The following ALKBH3 variants were observed in gnomAD, a reference collection of about 807,000 sequenced individuals.
The protein encoded by ALKBH3 is alpha-ketoglutarate-dependent dioxygenase alkB homolog 3.
Under a neutral mutation model 43.9 loss-of-function variants are expected in ALKBH3, and 51 were observed. The observed-to-expected ratio is 1.16, with a 90% CI of 0.93 to 1.47. ALKBH3 has a LOEUF of 1.47. ALKBH3 is among the 40% of genes most tolerant of loss of function. The probability of loss-of-function intolerance (pLI) is 0.00; values close to 1 mark genes in which losing one functional copy is unlikely to be tolerated. For missense variants in ALKBH3, 361 were observed against 351.9 expected (o/e 1.03, Z -0.21); for synonymous variants, 102 against 115.2 (o/e 0.89, Z 0.73).
chr11:43,909,702 C>A (rs1364932419), intron 8 of ALKBH3: 2 of 152,204 alleles, frequency 1.3e-5, no homozygotes, highest in African/African-American at 4.8e-5. Context: ...CCATCCTTAT[C>A]AAGCACCTCC....
intron 9 of ALKBH3, 120 bp downstream of exon 9, chr11:43,919,256 T>C (rs778153368): frequency 3.7e-6 from 3 of 816,062 alleles, no homozygotes; most frequent in Non-Finnish European, 6.1e-6. Flanking sequence ...CAAGAGGGAA[T>C]GAGCTGACAT....
intron 8 of ALKBH3, 39 bp from the exon 9 acceptor site, chr11:43,918,999 A>G (rs370293256): frequency 1.3e-6 from 2 of 1,526,842 alleles, no homozygotes. Flanking sequence ...TCTTGATTAC[A>G]CAGGCAAAAC....
At chr11:43,901,926 T>C (rs982949360) in intron 8 of ALKBH3, among the ~76,000 whole-genome samples, 1 of 152,252 alleles carries the variant, frequency 6.6e-6, no homozygotes, top group African/African-American at 2.4e-5. Flanking sequence ...CCAACAAGAA[T>C]TGGCTGCCTT....
Position 43,892,059 on chromosome 11 carries a change from C to G in ALKBH3, c.389C>G (p.Pro130Arg). The G allele has an allele frequency of 2.5e-6, 4 of 1,613,322 alleles. No individual in the cohort carries two copies. Among genetic ancestry groups the G allele is most frequent in the Non-Finnish European group, 3.4e-6 (4 of 1,179,308 alleles). Residue 130 changes from proline to arginine, a missense_variant, in exon 7 of 10, where the codon CCA (proline) becomes CGA (arginine). Transcript: ENST00000302708. ...TTCTTAGATATAACTTATCAGCAAC[C>G]AAGACTTACAGCATGGTATGGAGAA... ...GIREDITYQQ[P>R]RLTAWYGELP...
rs1475869999 is a variant in ALKBH3, at chr11:43,886,034, C to T, written c.219-572C>T. On this transcript the variant is annotated intron_variant, in intron 4 of 9. Transcript: ENST00000302708. ...GCATGGAAAAGCATGGAGTTAGAAA[C>T]GTAGTGGTGTATTCAGGAGATTCCA... Among the ~76,000 whole-genome samples, 7 of 152,212 alleles carry T rather than the reference C, an allele frequency of 4.6e-5. 1 individual carries two copies. In the South Asian group the frequency reaches 8.3e-4, roughly 18 times the overall value.
chr11:43,898,318 A>G (rs544070437), intron 7 of ALKBH3: 85 of 720,026 alleles, frequency 1.2e-4, no homozygotes, highest in Non-Finnish European at 1.8e-4. Context: ...AGCCAGAGAG[A>G]TCATTTGTCA....
chr11:43,882,557 CTGTTT>C, intron 1 of ALKBH3, 21 bp from the exon 2 acceptor site: 3 of 1,121,770 alleles, frequency 2.7e-6, no homozygotes, highest in Non-Finnish European at 2.5e-6. Flanking sequence ...ACTAAAAGCA[CTGTTT>C]TGTTTTGTTT....
At chr11:43,903,406 C>A (rs1435926231) in intron 8 of ALKBH3, among the ~76,000 whole-genome samples, 3 of 152,202 alleles carry the variant, frequency 2.0e-5, no homozygotes, top group Non-Finnish European at 2.9e-5. Context: ...TAGAGAGACA[C>A]TGTATCAGTC....
intron 5 of ALKBH3, among the ~76,000 whole-genome samples, chr11:43,887,850 G>A (rs1394235515): frequency 2.0e-5 from 3 of 151,410 alleles, no homozygotes; most frequent in Non-Finnish European, 4.4e-5. Flanking sequence ...GTGCAGTGGC[G>A]TGATCTCCAC....
At chr11:43,907,107 G>A (rs1951900900) in intron 8 of ALKBH3, among the ~76,000 whole-genome samples, 1 of 152,172 alleles carries the variant, frequency 6.6e-6, no homozygotes, top group African/African-American at 2.4e-5. Context: ...GCCTCAGGGA[G>A]GGTAAGGTGG....
At chr11:43,899,614 A>G in intron 7 of ALKBH3, 5 of 518,140 alleles carry the variant, frequency 9.6e-6, no homozygotes, top group East Asian at 7.4e-5. Context: ...CCCTCCTCGG[A>G]CAGCCAGCTC....
intron 8 of ALKBH3, among the ~76,000 whole-genome samples, chr11:43,908,783 A>G (rs978193006): frequency 1.3e-5 from 2 of 152,192 alleles, no homozygotes; most frequent in African/African-American, 4.8e-5. Flanking sequence ...ATTCAATTTC[A>G]TTGACATTTC....
At chr11:43,885,004 C>T (rs1265711398) in intron 4 of ALKBH3, among the ~76,000 whole-genome samples, 1 of 152,166 alleles carries the variant, frequency 6.6e-6, no homozygotes, top group Admixed American at 6.5e-5. Flanking sequence ...GATCCTCCCA[C>T]CTCAGCCTCC....
intron 1 of ALKBH3, 136 bp from the exon 2 acceptor site, chr11:43,882,447 T>C: frequency 4.4e-6 from 2 of 453,342 alleles, no homozygotes; most frequent in East Asian, 7.1e-5. Flanking sequence ...GAATGAAATG[T>C]TGTGATGACA....
intron 5 of ALKBH3, among the ~76,000 whole-genome samples, chr11:43,889,403 A>G (rs979173362): frequency 6.6e-6 from 1 of 152,260 alleles, no homozygotes; most frequent in South Asian, 2.1e-4. Flanking sequence ...ACCAAAGTTC[A>G]GAGAGGTTCA....
intron 7 of ALKBH3, chr11:43,899,020 A>G (rs1347803617): frequency 1.1e-5 from 8 of 751,700 alleles, no homozygotes; most frequent in Admixed American, 6.9e-5. Context: ...AGCATCTTCA[A>G]AGGAGCCCCA....
intron 2 of ALKBH3, 68 bp downstream of exon 2, chr11:43,882,799 C>A (rs910546114): frequency 5.2e-5 from 76 of 1,461,708 alleles, no homozygotes; most frequent in Non-Finnish European, 6.9e-5. Flanking sequence ...TATTTATATC[C>A]TTTTGGTTTA....
chr11:43,918,488 A>G (rs1407627525), intron 8 of ALKBH3, among the ~76,000 whole-genome samples: 2 of 152,224 alleles, frequency 1.3e-5, no homozygotes, highest in Non-Finnish European at 2.9e-5. Flanking sequence ...TATGTCTCCA[A>G]AACTCCATAG....
intron 7 of ALKBH3, chr11:43,898,527 C>T (rs1005151513): frequency 7.2e-6 from 6 of 837,008 alleles, no homozygotes; most frequent in East Asian, 2.5e-5. Flanking sequence ...TGCTGAGATA[C>T]GTTCTCTCCA....
Sources: gnomAD v4.1 joint callset for allele counts (sites outside exome capture counted in the v4.1 genomes callset) on GRCh38, gnomAD v4.1.1 for gene constraint, MANE v1.5 for transcripts, NCBI Gene and HGNC (gene_info 2026-07-23, HGNC 2026-07-21) for gene names.